Variants in SH3RF1 observed in about 807,000 individuals in gnomAD.
SH3RF1 encodes E3 ubiquitin-protein ligase SH3RF1.
Under a neutral mutation model 74.0 loss-of-function variants are expected in SH3RF1, and 32 were observed. The ratio of observed to expected loss-of-function variants is 0.43; its 90% CI spans 0.33 to 0.58. SH3RF1 has a LOEUF of 0.58. Among genes scored for constraint, SH3RF1 ranks in the 20% least tolerant of loss-of-function variants. The pLI, the probability that SH3RF1 is intolerant of heterozygous loss-of-function variation, is 0.05. For missense variants in SH3RF1, 954 were observed against 1,130.9 expected (o/e 0.84, Z 2.24); for synonymous variants, 396 against 439.6 (o/e 0.90, Z 1.24).
At chr4:169,151,177 C>T (rs975107338) in intron 4 of SH3RF1, among the ~76,000 whole-genome samples, 2 of 152,134 alleles carry the variant, frequency 1.3e-5, no homozygotes, top group Non-Finnish European at 2.9e-5. Flanking sequence ...AGGCGCTGTG[C>T]AAAGACCCTG....
intron 2 of SH3RF1, among the ~76,000 whole-genome samples, chr4:169,189,576 G>A (rs1004054528): frequency 3.3e-5 from 5 of 152,138 alleles, no homozygotes; most frequent in East Asian, 1.9e-4. Flanking sequence ...CTGTTGCCAC[G>A]GCTATCAGTG....
chr4:169,155,828 A>T (rs1421384261), intron 3 of SH3RF1, among the ~76,000 whole-genome samples: 1 of 152,134 alleles, frequency 6.6e-6, no homozygotes, highest in African/African-American at 2.4e-5. Context: ...AACTCTTAAG[A>T]TCTACAAATT....
chr4:169,106,809 C>G, intron 11 of SH3RF1, 38 bp downstream of exon 11: 1 of 1,463,764 alleles, frequency 6.8e-7, no homozygotes, highest in Non-Finnish European at 9.2e-7. Flanking sequence ...GCCTATTGTT[C>G]ATTTTTTAGT....
At chr4:169,231,575 ATT>A (rs201812152) in intron 2 of SH3RF1, among the ~76,000 whole-genome samples, 1 of 150,480 alleles carries the variant, frequency 6.6e-6, no homozygotes, top group African/African-American at 2.4e-5. Context: ...CAAAAAAAAA[ATT>A]TTTTTTTTTA....
At chr4:169,123,352 T>G (rs570298375) in intron 6 of SH3RF1, among the ~76,000 whole-genome samples, 2 of 152,344 alleles carry the variant, frequency 1.3e-5, no homozygotes, top group South Asian at 4.1e-4. Flanking sequence ...GAAAAAAATT[T>G]CAAATTTCTA....
intron 2 of SH3RF1, among the ~76,000 whole-genome samples, chr4:169,163,246 A>G (rs1174028926): frequency 6.6e-6 from 1 of 151,410 alleles, no homozygotes; most frequent in Non-Finnish European, 1.5e-5. Flanking sequence ...AGAAAAAAAA[A>G]AAAATGAACA....
Position 169,241,603 on chromosome 4 carries a change from T to C in SH3RF1, c.393+27217A>G, listed in dbSNP as rs536041569. ...CCAGAGGAGACAGTGAGAAAGCCAG[T>C]GTGCCCTGGAGTAGGGCCCAAGTTC... On this transcript the variant is annotated intron_variant, in intron 2 of 11. Transcript: ENST00000284637. 2.6e-5 allele frequency among the ~76,000 whole-genome samples: 4 copies of C among 152,270 alleles called. No individual in the cohort carries two copies. The East Asian group carries it at 5.8e-4, about 22-fold the overall frequency.
chr4:169,096,808 G>A, intron 11 of SH3RF1, 121 bp from the exon 12 acceptor site: 4 of 956,562 alleles, frequency 4.2e-6, no homozygotes, highest in South Asian at 3.4e-5. Flanking sequence ...ATTTATGATT[G>A]TAAAACAACT....
chr4:169,184,873 T>A (rs893385040), intron 2 of SH3RF1, among the ~76,000 whole-genome samples: 1 of 152,196 alleles, frequency 6.6e-6, no homozygotes, highest in African/African-American at 2.4e-5. Flanking sequence ...TGGGCAAGAT[T>A]ACACTTGCAA....
At chr4:169,236,270 CA>C (rs775238946) in intron 2 of SH3RF1, among the ~76,000 whole-genome samples, 13 of 152,326 alleles carry the variant, frequency 8.5e-5, no homozygotes, top group Non-Finnish European at 1.6e-4. Flanking sequence ...ATGTCACTTC[CA>C]GATGGAAGCT....
chr4:169,213,682 A>T (rs551801363), intron 2 of SH3RF1, among the ~76,000 whole-genome samples: 2 of 152,330 alleles, frequency 1.3e-5, no homozygotes, highest in South Asian at 4.1e-4. Context: ...ATTTTGAATT[A>T]ATTTTTGTGA....
At chr4:169,250,796 AGAGT>A (rs1473102327) in intron 2 of SH3RF1, among the ~76,000 whole-genome samples, 2 of 151,694 alleles carry the variant, frequency 1.3e-5, no homozygotes, top group Admixed American at 1.3e-4. Context: ...GATTGGCAGT[AGAGT>A]GAGGGGTGGG....
intron 6 of SH3RF1, among the ~76,000 whole-genome samples, chr4:169,125,201 C>CA (rs201628132): frequency 3.1e-4 from 46 of 150,524 alleles, no homozygotes; most frequent in South Asian, 1.1e-3. Context: ...CCTTTGGGGT[C>CA]AAAAAAAAAC....
chr4:169,152,979 C>A (rs1024537225), intron 4 of SH3RF1, among the ~76,000 whole-genome samples: 1 of 152,138 alleles, frequency 6.6e-6, no homozygotes. Context: ...AATTCCACAG[C>A]TCCACATCTG....
intron 11 of SH3RF1, 62 bp downstream of exon 11, chr4:169,106,785 T>C (rs1561025029): frequency 7.8e-7 from 1 of 1,289,872 alleles, no homozygotes; most frequent in South Asian, 1.5e-5. Context: ...ATCACAATAA[T>C]GTTCCAGCCT....
chr4:169,106,867 A>G lies in SH3RF1; in HGVS notation c.2478T>C (p.Ser826=). 4 of 1,609,872 alleles carry G rather than the reference A, an allele frequency of 2.5e-6. No individual in the cohort carries two copies. Among genetic ancestry groups the G allele is most frequent in the Non-Finnish European group, 3.4e-6 (4 of 1,178,168 alleles). ...CSSLGPVLNE[S]RPVVCERHRV... ...CTTACCTTTCACAAACGACAGGTCT[A>G]GACTCATTCAAGACAGGACCCAGGG... The change falls in exon 11 of 12, where the codon TCT becomes TCC. Residue 826 remains serine, a synonymous_variant. Transcript: ENST00000284637.
intron 2 of SH3RF1, among the ~76,000 whole-genome samples, chr4:169,230,810 C>T (rs924852337): frequency 1.4e-5 from 2 of 145,404 alleles, no homozygotes; most frequent in South Asian, 2.2e-4. Flanking sequence ...GAGCTGAGAT[C>T]GTGCCATTGC....
At chr4:169,161,948 G>T (rs1734155263) in intron 2 of SH3RF1, among the ~76,000 whole-genome samples, 1 of 152,146 alleles carries the variant, frequency 6.6e-6, no homozygotes, top group Non-Finnish European at 1.5e-5. Flanking sequence ...GGGAGGCTGA[G>T]ACAGGCGGAT....
At chr4:169,167,632 G>T (rs1291758900) in intron 2 of SH3RF1, among the ~76,000 whole-genome samples, 2 of 152,094 alleles carry the variant, frequency 1.3e-5, no homozygotes, top group African/African-American at 4.8e-5. Flanking sequence ...AATACTATAT[G>T]ATTACATTTA....
Sources: gnomAD v4.1 joint callset for allele counts (sites outside exome capture counted in the v4.1 genomes callset) on GRCh38, gnomAD v4.1.1 for gene constraint, MANE v1.5 for transcripts, NCBI Gene and HGNC (gene_info 2026-07-23, HGNC 2026-07-21) for gene names.